The following RNF6 variants were observed in gnomAD, a reference collection of about 807,000 sequenced individuals.
RNF6 encodes ring finger protein 6, also known as E3 ubiquitin-protein ligase RNF6.
A neutral mutation model predicts 50.1 loss-of-function variants in RNF6; 21 were observed. The ratio of observed to expected loss-of-function variants is 0.42; its 90% CI spans 0.30 to 0.60. The LOEUF (loss-of-function observed/expected upper bound fraction) is 0.60, where lower values mean the gene tolerates loss of function less well. Among genes scored for constraint, RNF6 ranks in the 20% least tolerant of loss-of-function variants. RNF6 has a pLI of 0.20. For missense variants in RNF6, 698 were observed against 838.2 expected (o/e 0.83, Z 2.07); for synonymous variants, 255 against 291.8 (o/e 0.87, Z 1.29).
At position 26,192,865 on chromosome 13, in the gene RNF6, AC is replaced by A. The variant is rs1868516207; in HGVS notation, n.768+22608del. 3.3e-5 allele frequency among the ~76,000 whole-genome samples: 5 copies of A among 152,364 alleles called. No individual in the cohort carries two copies. The South Asian group carries it at 1.0e-3, about 32-fold the overall frequency. On this transcript the variant is annotated intron_variant and non_coding_transcript_variant, in intron 5 of 5. Transcript: ENST00000468480. Reference sequence around the variant, plus strand: ...CTTGTGAGAGACCCTGAAACAGAGAACCTAGCTAAGACATGCTCAGACTCCT... The same window carrying A: ...CTTGTGAGAGACCCTGAAACAGAGAACTAGCTAAGACATGCTCAGACTCCT...
intron 5 of RNF6, among the ~76,000 whole-genome samples, chr13:26,194,882 C>T (rs1868595667): frequency 1.3e-5 from 2 of 152,142 alleles, no homozygotes; most frequent in South Asian, 4.2e-4. Flanking sequence ...GTGCTGGCAG[C>T]TGATTAGAAG....
chr13:26,221,048 A>T (rs1272906960), intron 2 of RNF6, among the ~76,000 whole-genome samples, 200 bp downstream of exon 2: 1 of 152,204 alleles, frequency 6.6e-6, no homozygotes, highest in Non-Finnish European at 1.5e-5. Flanking sequence ...AAAACTCAAG[A>T]TCTCTATCTT....
In RNF6 at chr13:26,149,893, TACACAC is replaced by T. The variant is rs370753891; in HGVS notation, n.769-17448_769-17443del. On this transcript the variant is annotated intron_variant and non_coding_transcript_variant, in intron 5 of 5. Transcript: ENST00000468480. ...GTGTATATATATATATATATATATA[TACACAC>T]ACACAGTGTATATATAATGTGTATA... is the stretch of plus-strand genomic sequence containing the variant. 4.1e-5 allele frequency among the ~76,000 whole-genome samples: 2 copies of T among 48,686 alleles called. 1 individual carries two copies. The highest frequency in any genetic ancestry group is 1.9e-4 in the African/African-American group (2 of 10,804). 31.9% of individuals were successfully genotyped at this position (48,686 alleles called of 152,430 possible).
intron 5 of RNF6, among the ~76,000 whole-genome samples, chr13:26,148,555 T>G (rs1871369981): frequency 6.9e-6 from 1 of 145,758 alleles, no homozygotes; most frequent in African/African-American, 2.5e-5. Flanking sequence ...ATTCTGTTCC[T>G]GTAGAACCAC....
chr13:26,184,658 A>G (rs1254548145), intron 5 of RNF6, among the ~76,000 whole-genome samples: 1 of 152,110 alleles, frequency 6.6e-6, no homozygotes, highest in Non-Finnish European at 1.5e-5. Flanking sequence ...AGTCACTTCT[A>G]CTCGCAGATG....
chr13:26,187,313 G>A (rs1388118337), intron 5 of RNF6, among the ~76,000 whole-genome samples: 1 of 152,216 alleles, frequency 6.6e-6, no homozygotes, highest in Non-Finnish European at 1.5e-5. Context: ...CAAGAAGGGG[G>A]AAACGTTTGG....
intron 5 of RNF6, among the ~76,000 whole-genome samples, chr13:26,162,869 T>C (rs1872275871): frequency 6.6e-6 from 1 of 152,216 alleles, no homozygotes; most frequent in Admixed American, 6.5e-5. Context: ...ATTTATAACA[T>C]CTCTGTAGCA....
At chr13:26,168,957 C>T (rs1024592399) in intron 5 of RNF6, among the ~76,000 whole-genome samples, 2 of 152,166 alleles carry the variant, frequency 1.3e-5, no homozygotes, top group Admixed American at 6.5e-5. Flanking sequence ...GAGCCATGAT[C>T]ATGCCACTGC....
At chr13:26,208,147 G>A (rs1450624199), downstream of RNF6, among the ~76,000 whole-genome samples, 1 of 152,210 alleles carries the variant, frequency 6.6e-6, no homozygotes, top group Non-Finnish European at 1.5e-5. Flanking sequence ...CCCTAGAAAG[G>A]CTTGTTTGCA....
At chr13:26,138,081 A>C (rs1358661483) in intron 5 of RNF6, among the ~76,000 whole-genome samples, 2 of 152,198 alleles carry the variant, frequency 1.3e-5, no homozygotes, top group Admixed American at 1.3e-4. Context: ...TGAAAGGCAA[A>C]GCCAAGAGAA....
intron 5 of RNF6, among the ~76,000 whole-genome samples, chr13:26,173,247 A>G (rs577778472): frequency 1.2e-4 from 19 of 152,246 alleles, no homozygotes; most frequent in Non-Finnish European, 2.8e-4. Flanking sequence ...CATGTATGCA[A>G]GAAGTTACGA....
chr13:26,177,215 C>T (rs1872999652), intron 5 of RNF6, among the ~76,000 whole-genome samples: 1 of 152,150 alleles, frequency 6.6e-6, no homozygotes, highest in Admixed American at 6.5e-5. Context: ...TTTGTGGAAG[C>T]CCTAGGAAAG....
At chr13:26,176,446 C>T (rs776507739) in intron 5 of RNF6, among the ~76,000 whole-genome samples, 3 of 152,202 alleles carry the variant, frequency 2.0e-5, no homozygotes, top group Non-Finnish European at 4.4e-5. Context: ...TGAGCCACTC[C>T]ACCCAGCTCC....
At chr13:26,189,107 T>A (rs1034478626) in intron 5 of RNF6, among the ~76,000 whole-genome samples, 2 of 151,984 alleles carry the variant, frequency 1.3e-5, no homozygotes, top group Non-Finnish European at 2.9e-5. Context: ...GGCAGGTGGA[T>A]CACCTGAGGT....
chr13:26,166,993 T>C (rs1872485001), intron 5 of RNF6, among the ~76,000 whole-genome samples: 1 of 152,230 alleles, frequency 6.6e-6, no homozygotes, highest in Admixed American at 6.5e-5. Context: ...ATTAAACCTC[T>C]TTCCTTTATA....
chr13:26,166,577 C>A (rs1251148007), intron 5 of RNF6, among the ~76,000 whole-genome samples: 1 of 152,254 alleles, frequency 6.6e-6, no homozygotes, highest in East Asian at 1.9e-4. Flanking sequence ...AGCTGAGAGG[C>A]AAATCAGGAA....
rs75629890 is a variant in RNF6, at chr13:26,216,253, G to A, written c.290-661C>T. 6.8e-3 allele frequency among the ~76,000 whole-genome samples: 1,032 copies of A among 152,256 alleles called. 4 individuals are homozygous for A. The highest frequency in any genetic ancestry group is 0.014 in the Middle Eastern group (4 of 294). ...TTAATAATAGAATCAATCTCATAGG[G>A]TTATCCTGAGGATAAAATAAGACGC... On this transcript the variant is annotated intron_variant, in intron 4 of 4. Transcript: ENST00000381588.
chr13:26,144,228 CTTTGTTTATGGGCT>C (rs1455127678), intron 5 of RNF6, among the ~76,000 whole-genome samples: 2 of 152,022 alleles, frequency 1.3e-5, no homozygotes, highest in African/African-American at 4.8e-5. Flanking sequence ...ACCATGGCCA[CTTTGTTTATGGGCT>C]CAATGGGCAA....
At chr13:26,150,258 T>C (rs1871522925) in intron 5 of RNF6, among the ~76,000 whole-genome samples, 1 of 152,050 alleles carries the variant, frequency 6.6e-6, no homozygotes, top group Non-Finnish European at 1.5e-5. Flanking sequence ...GATTCTTTCA[T>C]ATTATAAACC....
Sources: allele counts gnomAD v4.1 joint callset (sites outside exome capture counted in the v4.1 genomes callset), GRCh38; gene constraint gnomAD v4.1.1; transcripts MANE v1.5; gene names NCBI Gene and HGNC (gene_info 2026-07-23, HGNC 2026-07-21).